HYCC1: variants seen among roughly 807,000 people sequenced by gnomAD.
HYCC1 encodes the protein hyccin PI4KA lipid kinase complex subunit 1, also known as hyccin.
the HYCC1 span, among the ~76,000 whole-genome samples, chr7:22,950,339 T>C: frequency 3.4e-3 from 523 of 152,206 alleles, 29 homozygotes; most frequent in East Asian, 0.091. Context: ...TCTTGTTTCC[T>C]AGACCTAAGT....
the HYCC1 span, among the ~76,000 whole-genome samples, chr7:22,999,889 A>G: frequency 6.6e-6 from 1 of 152,172 alleles, no homozygotes; most frequent in Non-Finnish European, 1.5e-5. Flanking sequence ...AGCACCTTAC[A>G]TTTTCTAGAC....
At chr7:22,969,525 GTTT>G in the HYCC1 span, among the ~76,000 whole-genome samples, 4 of 134,226 alleles carry the variant, frequency 3.0e-5, no homozygotes, top group African/African-American at 8.3e-5. Flanking sequence ...TTTTTTTTTG[GTTT>G]TTTTTTTTTT....
At chr7:22,976,187 G>A in the HYCC1 span, 1 of 1,371,142 alleles carries the variant, frequency 7.3e-7, no homozygotes. Context: ...TTCAATATTA[G>A]AAGCACTTGA....
At chr7:22,980,259 G>A in the HYCC1 span, among the ~76,000 whole-genome samples, 1 of 144,744 alleles carries the variant, frequency 6.9e-6, no homozygotes. Flanking sequence ...TGGTGTCTGG[G>A]TTGCATTTTT....
the HYCC1 span, among the ~76,000 whole-genome samples, chr7:22,904,883 AAAAG>A: frequency 6.6e-6 from 1 of 151,726 alleles, no homozygotes; most frequent in African/African-American, 2.4e-5. Flanking sequence ...AAAAAAAAAA[AAAAG>A]AAAGAAAAGA....
the HYCC1 span, among the ~76,000 whole-genome samples, chr7:23,007,620 C>T: frequency 1.3e-5 from 2 of 152,106 alleles, no homozygotes; most frequent in Admixed American, 6.5e-5. Flanking sequence ...CTCTCAGTCT[C>T]TCTTTTTACA....
the HYCC1 span, among the ~76,000 whole-genome samples, chr7:22,921,877 A>G: frequency 3.3e-5 from 5 of 152,182 alleles, no homozygotes; most frequent in Non-Finnish European, 7.3e-5. Context: ...GTTCAAATCC[A>G]CATTGCTCAA....
At chr7:22,929,896 T>C in the HYCC1 span, among the ~76,000 whole-genome samples, 1 of 152,178 alleles carries the variant, frequency 6.6e-6, no homozygotes. Flanking sequence ...TGCACACGTA[T>C]GTTTATAGCG....
the HYCC1 span, among the ~76,000 whole-genome samples, chr7:22,909,602 C>T: frequency 6.6e-5 from 10 of 152,170 alleles, no homozygotes; most frequent in Non-Finnish European, 1.3e-4. Flanking sequence ...ATCCTTCTAG[C>T]GGGTTATTAA....
At chr7:22,923,423 T>C in the HYCC1 span, among the ~76,000 whole-genome samples, 1 of 152,304 alleles carries the variant, frequency 6.6e-6, no homozygotes, top group South Asian at 2.1e-4. Flanking sequence ...GAGGGAAATT[T>C]ATAGATGTAA....
chr7:22,916,336 T>C, the HYCC1 span, among the ~76,000 whole-genome samples: 2 of 152,036 alleles, frequency 1.3e-5, no homozygotes, highest in African/African-American at 2.4e-5. Flanking sequence ...CACAACCCAA[T>C]ATTCTGCTCT....
the HYCC1 span, among the ~76,000 whole-genome samples, chr7:22,998,391 A>G: frequency 1.3e-5 from 2 of 152,256 alleles, no homozygotes; most frequent in African/African-American, 4.8e-5. Flanking sequence ...GAATGGTGAG[A>G]TCTCTGGGAA....
chr7:22,972,635 TG>T, the HYCC1 span, among the ~76,000 whole-genome samples: 2 of 152,184 alleles, frequency 1.3e-5, no homozygotes. Context: ...GTAGCATTGG[TG>T]AGTATATTTC....
At chr7:22,955,752 T>C in the HYCC1 span, among the ~76,000 whole-genome samples, 3 of 151,588 alleles carry the variant, frequency 2.0e-5, no homozygotes, top group Non-Finnish European at 4.4e-5. Context: ...TAAACAAGTA[T>C]AAATTGTATA....
the HYCC1 span, among the ~76,000 whole-genome samples, chr7:22,900,717 G>A: frequency 1.3e-5 from 2 of 152,148 alleles, no homozygotes; most frequent in South Asian, 4.2e-4. Flanking sequence ...AAAAAATGAA[G>A]GGTACAGATG....
chr7:22,980,298 T>C, the HYCC1 span, among the ~76,000 whole-genome samples: 1 of 150,576 alleles, frequency 6.6e-6, no homozygotes, highest in Admixed American at 6.6e-5. Context: ...ATGGAAACCA[T>C]ATTATTTATG....
At chr7:22,980,536 A>G in the HYCC1 span, among the ~76,000 whole-genome samples, 1 of 152,228 alleles carries the variant, frequency 6.6e-6, no homozygotes, top group Non-Finnish European at 1.5e-5. Context: ...GGTAACAGGC[A>G]CATGACTCAA....
At chr7:22,948,470 A>T in the HYCC1 span, among the ~76,000 whole-genome samples, 12 of 152,022 alleles carry the variant, frequency 7.9e-5, no homozygotes, top group Non-Finnish European at 1.3e-4. Flanking sequence ...CAAACATTCT[A>T]ATTTATAATT....
chr7:22,969,177 T>C, the HYCC1 span, among the ~76,000 whole-genome samples: 4 of 152,114 alleles, frequency 2.6e-5, no homozygotes, highest in South Asian at 4.1e-4. Flanking sequence ...GTTCTTTTTT[T>C]GTTTGTTTGT....
Sources: gnomAD v4.1 joint callset for allele counts (sites outside exome capture counted in the v4.1 genomes callset) on GRCh38, gnomAD v4.1.1 for gene constraint, MANE v1.5 for transcripts, NCBI Gene and HGNC (gene_info 2026-07-23, HGNC 2026-07-21) for gene names.